The following BCAR3 variants were observed in gnomAD, a reference collection of about 807,000 sequenced individuals.
BCAR3 encodes breast cancer anti-estrogen resistance protein 3.
BCAR3 carries 37 observed loss-of-function variants against 80.1 expected under a neutral mutation model. That is an observed-to-expected ratio of 0.46 (90% CI 0.36 to 0.61). The LOEUF (loss-of-function observed/expected upper bound fraction) is 0.61, where lower values mean the gene tolerates loss of function less well. BCAR3 is among the 20% of genes least tolerant of loss of function. The probability of loss-of-function intolerance (pLI) is 0.00; values close to 1 mark genes in which losing one functional copy is unlikely to be tolerated. For synonymous variants in BCAR3, 389 were observed against 418.9 expected, an observed-to-expected ratio of 0.93 and a Z score of 0.87; for missense variants, 978 against 1,068.2, an observed-to-expected ratio of 0.92 and a Z score of 1.18.
chr1:93,591,491 A>T (rs236325), intron 4 of BCAR3, among the ~76,000 whole-genome samples: 2,713 of 152,092 alleles, frequency 0.018, 87 homozygotes, highest in African/African-American at 0.061. Context: ...AAGAAAAAAA[A>T]CTTACGACAT....
intron 2 of BCAR3, among the ~76,000 whole-genome samples, chr1:93,752,088 C>T (rs911682711): frequency 1.3e-5 from 2 of 152,250 alleles, no homozygotes; most frequent in African/African-American, 2.4e-5. Flanking sequence ...CCCACCCAAA[C>T]CTCAGACACT....
chr1:93,833,443 T>C (rs960990409), intron 2 of BCAR3, among the ~76,000 whole-genome samples: 1 of 152,102 alleles, frequency 6.6e-6, no homozygotes, highest in Non-Finnish European at 1.5e-5. Flanking sequence ...TGACTAGAAT[T>C]CTCCAGGCTG....
upstream of BCAR3, among the ~76,000 whole-genome samples, chr1:93,686,378 G>A (rs937528873): frequency 1.3e-5 from 2 of 152,150 alleles, no homozygotes; most frequent in African/African-American, 4.8e-5. Flanking sequence ...CATAGCCACT[G>A]CACTCCAGCC....
At chr1:93,627,255 T>C (rs762388589) in intron 3 of BCAR3, among the ~76,000 whole-genome samples, 17 of 152,224 alleles carry the variant, frequency 1.1e-4, no homozygotes, top group Non-Finnish European at 1.9e-4. Flanking sequence ...CATGATGATA[T>C]AAACTCATGC....
chr1:93,800,286 C>T (rs1985243), intron 2 of BCAR3, among the ~76,000 whole-genome samples: 19,128 of 152,044 alleles, frequency 0.13, 1,799 homozygotes, highest in African/African-American at 0.25. Context: ...AATAAAGCAT[C>T]AAGATGGCTG....
intron 2 of BCAR3, among the ~76,000 whole-genome samples, chr1:93,811,866 T>C (rs1653856331): frequency 6.6e-6 from 1 of 152,208 alleles, no homozygotes; most frequent in African/African-American, 2.4e-5. Context: ...TACAAGCTAG[T>C]TGACATCATG....
intron 2 of BCAR3, among the ~76,000 whole-genome samples, chr1:93,653,619 G>C (rs955980070): frequency 6.6e-6 from 1 of 152,172 alleles, no homozygotes; most frequent in Non-Finnish European, 1.5e-5. Context: ...CAAAGCCCCT[G>C]ACTCCAGAGA....
chr1:93,649,708 T>C (rs1459430098), intron 2 of BCAR3, among the ~76,000 whole-genome samples: 1 of 152,080 alleles, frequency 6.6e-6, no homozygotes, highest in African/African-American at 2.4e-5. Flanking sequence ...TTGCCTTTTG[T>C]GATATGACGA....
chr1:93,670,952 G>A (rs566581288), intron 2 of BCAR3, among the ~76,000 whole-genome samples: 69 of 152,078 alleles, frequency 4.5e-4, no homozygotes, highest in African/African-American at 1.5e-3. Context: ...TTGGGCCTCC[G>A]AGAGGATGTA....
At chr1:93,749,384 C>T (rs1346632326) in intron 2 of BCAR3, among the ~76,000 whole-genome samples, 1 of 151,852 alleles carries the variant, frequency 6.6e-6, no homozygotes, top group Non-Finnish European at 1.5e-5. Flanking sequence ...GTCACGAGAT[C>T]GAGACCATCC....
At chr1:93,812,462 T>C (rs1251316894) in intron 2 of BCAR3, among the ~76,000 whole-genome samples, 1 of 152,210 alleles carries the variant, frequency 6.6e-6, no homozygotes, top group African/African-American at 2.4e-5. Context: ...TCCAAACTCC[T>C]GACCTGGCAC....
chr1:93,636,512 C>T (rs956526073), intron 3 of BCAR3, among the ~76,000 whole-genome samples: 3 of 151,568 alleles, frequency 2.0e-5, no homozygotes, highest in Non-Finnish European at 1.5e-5. Flanking sequence ...CTGTTTACAG[C>T]CTGGCCACAA....
intron 3 of BCAR3, among the ~76,000 whole-genome samples, chr1:93,623,391 C>CCAAT (rs1675369188): frequency 6.6e-6 from 1 of 152,022 alleles, no homozygotes; most frequent in Non-Finnish European, 1.5e-5. Context: ...GATGTGTGAG[C>CCAAT]CAATCAGAAT....
chr1:93,695,143 C>G (rs752885884), intron 3 of BCAR3, among the ~76,000 whole-genome samples: 4 of 152,372 alleles, frequency 2.6e-5, no homozygotes, highest in Non-Finnish European at 5.9e-5. Flanking sequence ...GGGCTTCCTT[C>G]TTCCTTCCCT....
chr1:93,670,216 T>C (rs1413602089), intron 2 of BCAR3, among the ~76,000 whole-genome samples: 5 of 152,220 alleles, frequency 3.3e-5, no homozygotes, highest in African/African-American at 1.2e-4. Flanking sequence ...TGGGTCTGCT[T>C]GCAGAACAAA....
chr1:93,745,649 G>A (rs1042053197), intron 2 of BCAR3, among the ~76,000 whole-genome samples: 1 of 152,120 alleles, frequency 6.6e-6, no homozygotes, highest in Non-Finnish European at 1.5e-5. Context: ...TCTCTTCCAG[G>A]TGTTCATAAC....
intron 9 of BCAR3, among the ~76,000 whole-genome samples, chr1:93,568,410 T>G (rs1261695574): frequency 6.6e-6 from 1 of 152,170 alleles, no homozygotes; most frequent in Non-Finnish European, 1.5e-5. Context: ...TGCTGGCCAG[T>G]CCACTGTCAA....
intron 2 of BCAR3, among the ~76,000 whole-genome samples, chr1:93,764,202 G>A (rs967161617): frequency 2.0e-5 from 3 of 151,908 alleles, no homozygotes; most frequent in African/African-American, 7.3e-5. Flanking sequence ...CCACGCTGCT[G>A]CCTGGGTCTG....
intron 3 of BCAR3, among the ~76,000 whole-genome samples, chr1:93,597,936 C>A (rs1387194567): frequency 6.6e-6 from 1 of 152,200 alleles, no homozygotes; most frequent in East Asian, 1.9e-4. Flanking sequence ...TCATAAATAT[C>A]ACTCTGAATC....
Sources: allele counts gnomAD v4.1 joint callset (sites outside exome capture counted in the v4.1 genomes callset), GRCh38; gene constraint gnomAD v4.1.1; transcripts MANE v1.5; gene names NCBI Gene and HGNC (gene_info 2026-07-23, HGNC 2026-07-21).